The following ETS2 variants were observed in gnomAD, a reference collection of about 807,000 sequenced individuals.
ETS2 encodes the protein ETS proto-oncogene 2, transcription factor, also known as protein C-ets-2.
Under a neutral mutation model 54.9 loss-of-function variants are expected in ETS2, and 19 were observed. The ratio of observed to expected loss-of-function variants is 0.35; its 90% CI spans 0.24 to 0.51. ETS2 has a LOEUF of 0.51. Ranked by LOEUF, ETS2 falls within the 20% of genes least tolerant of loss-of-function variation. ETS2 has a pLI of 0.97. For synonymous variants in ETS2, 219 were observed against 229.3 expected (o/e 0.95, Z 0.41); for missense variants, 417 against 593.0 (o/e 0.70, Z 3.08).
At chr21:38,820,657 A>G (rs898895311) in intron 8 of ETS2, among the ~76,000 whole-genome samples, 2 of 152,224 alleles carry the variant, frequency 1.3e-5, no homozygotes, top group African/African-American at 4.8e-5. Context: ...TGGGGGTGGT[A>G]TGAGGCCATT....
In ETS2 at chr21:38,819,165, G is replaced by A. The variant is rs1238539774; in HGVS notation, c.812-338G>A. On this transcript the variant is annotated intron_variant, in intron 7 of 9. Coordinates refer to ENST00000360938, the MANE Select transcript of ETS2 (RefSeq NM_005239.6). Reference sequence around the variant, plus strand: ...GATTTTCTTGAACTTTACATAGATGGAATCATAAGGCATGTTTTCTTTTGT... The same window carrying A: ...GATTTTCTTGAACTTTACATAGATGAAATCATAAGGCATGTTTTCTTTTGT... 2.0e-5 allele frequency among the ~76,000 whole-genome samples: 3 copies of A among 152,178 alleles called. No individual in the cohort carries two copies. In the East Asian group the frequency reaches 5.8e-4, roughly 29 times the overall value.
intron 1 of ETS2, among the ~76,000 whole-genome samples, chr21:38,809,262 T>C (rs1454931908): frequency 6.6e-6 from 1 of 152,214 alleles, no homozygotes; most frequent in Non-Finnish European, 1.5e-5. Context: ...GAGAGCTCTG[T>C]AGCCACACAT....
rs2060891755 is a variant in ETS2, at chr21:38,806,135, C to G, written c.-1+15C>G. On this transcript the variant is annotated intron_variant, in intron 1 of 9. Coordinates refer to ENST00000360938, the MANE Select transcript of ETS2 (RefSeq NM_005239.6). This position sits in a 1 kb window ranked among gnomAD's most constrained non-coding sequence, Gnocchi z 4.3. The stretch of plus-strand genomic sequence containing the variant: ...GCAGCGGCAGGGTAAGAGCTGGGCC[C>G]GCAGAGAGCGCCCGGCGCGCGGCTC... The G allele has an allele frequency of 9.9e-6, 10 of 1,012,924 alleles. No individual in the cohort carries two copies. The highest frequency in any genetic ancestry group is 1.2e-5 in the Non-Finnish European group (10 of 847,106). 62.7% of individuals were successfully genotyped at this position (1,012,924 alleles called of 1,614,324 possible).
At position 38,821,517 on chromosome 21, in the gene ETS2, A is replaced by G; in HGVS notation, c.1076-69A>G. 2 of 1,095,908 alleles carry G rather than the reference A, an allele frequency of 1.8e-6. No individual in the cohort carries two copies. Among genetic ancestry groups the G allele is most frequent in the Non-Finnish European group, 2.8e-6 (2 of 712,980 alleles). 67.9% of individuals were successfully genotyped at this position (1,095,908 alleles called of 1,614,324 possible). The stretch of plus-strand genomic sequence containing the variant: ...TCCTAAATCAGCATGTACAATTAGG[A>G]TGGTTAAAGACTTGCTGTATTTTAC... On this transcript the variant is annotated intron_variant, in intron 8 of 9. Coordinates refer to ENST00000360938, the MANE Select transcript of ETS2 (RefSeq NM_005239.6). The surrounding 1 kb of genome is among the most constrained non-coding windows in gnomAD (Gnocchi z 4.2).
Position 38,819,563 on chromosome 21 carries a change from C to T in ETS2, c.872C>T (p.Ser291Phe). ...GCGGACAGCTTCGAGAGCTCAGACT[C>T]CCTCCTCCAGTCCTGGAACAGCCAG... The part of the protein sequence containing the change: ...NGADSFESSD[S>F]LLQSWNSQSS... Residue 291 changes from serine (S) to phenylalanine (F), a missense_variant, in exon 8 of 10, where the codon TCC becomes TTC. Physicochemically the swap from Ser to Phe is radical, Grantham distance 155. Transcript: ENST00000360938. 1 of 1,614,180 alleles carries T rather than the reference C, an allele frequency of 6.2e-7. No homozygotes were observed. The highest frequency in any genetic ancestry group is 8.5e-7 in the Non-Finnish European group (1 of 1,180,022).
rs531855808 is a variant in ETS2 at position 38,814,662 on chromosome 21, C to T, written c.305-119C>T. The T allele has an allele frequency of 3.4e-5, 32 of 938,728 alleles. No individual in the cohort carries two copies. The East Asian group carries it at 7.1e-4, about 21-fold the overall frequency. 58.1% of individuals were successfully genotyped at this position (938,728 alleles called of 1,614,324 possible). A position where few individuals can be genotyped will look rare whatever the true frequency, so the allele number is the denominator to read the frequency against. ...GGTGACGTGTCATCATGGTATCTTG[C>T]TCATTCGTGGGTTCTGGTGTATGTC... On this transcript the variant is annotated intron_variant, in intron 4 of 9. Coordinates refer to ENST00000360938, the MANE Select transcript of ETS2 (RefSeq NM_005239.6). This position sits in a 1 kb window ranked among gnomAD's most constrained non-coding sequence, Gnocchi z 4.2.
upstream of ETS2, chr21:38,805,507 G>A (rs569383356): frequency 3.9e-6 from 5 of 1,287,812 alleles, no homozygotes; most frequent in South Asian, 1.2e-5. The surrounding 1 kb of genome is among the most constrained non-coding windows in gnomAD (Gnocchi z 5.2). Context: ...GTCTCCGCCC[G>A]GCTCCCAGGG....
chr21:38,812,327 C>A (rs1393201013), intron 2 of ETS2, among the ~76,000 whole-genome samples: 1 of 152,160 alleles, frequency 6.6e-6, no homozygotes, highest in African/African-American at 2.4e-5. Context: ...CTCAATGTAA[C>A]AGGAGGGTCA....
chr21:38,809,945 C>A, intron 1 of ETS2, 90 bp from the exon 2 acceptor site: 1 of 790,530 alleles, frequency 1.3e-6, no homozygotes, highest in Non-Finnish European at 2.0e-6. Flanking sequence ...AGCTGTAGAA[C>A]TCAGCCAGGA....
upstream of ETS2, chr21:38,805,398 G>C: frequency 7.8e-7 from 1 of 1,288,800 alleles, no homozygotes; most frequent in Non-Finnish European, 1.0e-6. This position sits in a 1 kb window ranked among gnomAD's most constrained non-coding sequence, Gnocchi z 5.2. Flanking sequence ...GCTGCCCTTC[G>C]GTGCCACCAG....
At chr21:38,809,888 A>G (rs2060907216) in intron 1 of ETS2, 147 bp from the exon 2 acceptor site, 1 of 586,154 alleles carries the variant, frequency 1.7e-6, no homozygotes, top group Non-Finnish European at 3.0e-6. Flanking sequence ...TTGGGAGGAC[A>G]GCCATTTAAA....
Position 38,814,295 on chromosome 21 carries a change from T to C in ETS2, c.207T>C (p.Pro69=). 1 of 1,614,084 alleles carries C rather than the reference T, an allele frequency of 6.2e-7. No homozygotes were observed. The highest frequency in any genetic ancestry group is 8.5e-7 in the Non-Finnish European group (1 of 1,180,006). Residue 69 remains proline (P), a synonymous_variant, in exon 4 of 10, where the codon CCT becomes CCC. Transcript: ENST00000360938. The surrounding 1 kb of genome is among the most constrained non-coding windows in gnomAD (Gnocchi z 4.2). ...ISHDSANCEL[P]LLTPCSKAVM... ...CAGACTCCGCCAACTGTGAATTGCC[T>C]TTGTTAACCCCGTGCAGCAAGGCTG...
At chr21:38,811,749 T>G (rs2060914738) in intron 2 of ETS2, among the ~76,000 whole-genome samples, 1 of 152,272 alleles carries the variant, frequency 6.6e-6, no homozygotes, top group Admixed American at 6.5e-5. Flanking sequence ...GTGTGTCTCT[T>G]CTTTTCTGCA....
upstream of ETS2, chr21:38,805,871 T>TC (rs1351699103): frequency 8.6e-7 from 1 of 1,167,978 alleles, no homozygotes; most frequent in African/African-American, 1.8e-5. The surrounding 1 kb of genome is among the most constrained non-coding windows in gnomAD (Gnocchi z 5.2). Flanking sequence ...CCCTCCTTCC[T>TC]CCTCCCTCCT....
upstream of ETS2, chr21:38,805,705 C>G: frequency 9.1e-7 from 1 of 1,100,564 alleles, no homozygotes; most frequent in Non-Finnish European, 1.2e-6. This position sits in a 1 kb window ranked among gnomAD's most constrained non-coding sequence, Gnocchi z 5.2. Context: ...CTCTCCTCTC[C>G]CTCCGCTCCC....
At chr21:38,805,641 G>T, upstream of ETS2, 4 of 1,208,858 alleles carry the variant, frequency 3.3e-6, no homozygotes, top group Non-Finnish European at 4.2e-6. The surrounding 1 kb of genome is among the most constrained non-coding windows in gnomAD (Gnocchi z 5.2). Flanking sequence ...TGTCAGCCCC[G>T]CCCCGCGCTC....
chr21:38,815,517 C>T (rs919968411), intron 5 of ETS2, among the ~76,000 whole-genome samples: 1 of 152,048 alleles, frequency 6.6e-6, no homozygotes, highest in Non-Finnish European at 1.5e-5. Flanking sequence ...TATATTTACA[C>T]GCTATCATAT....
intron 7 of ETS2, among the ~76,000 whole-genome samples, 178 bp from the exon 8 acceptor site, chr21:38,819,325 G>C (rs1009701482): frequency 3.3e-5 from 5 of 152,174 alleles, no homozygotes; most frequent in Non-Finnish European, 5.9e-5. Context: ...GATAGGATTT[G>C]TGTAGTATAG....
At chr21:38,805,859 G>T, upstream of ETS2, 1 of 1,136,146 alleles carries the variant, frequency 8.8e-7, no homozygotes. This position sits in a 1 kb window ranked among gnomAD's most constrained non-coding sequence, Gnocchi z 5.2. Context: ...CCACTCGGCC[G>T]TCCCTCCTTC....
Sources: gnomAD v4.1 joint callset for allele counts (sites outside exome capture counted in the v4.1 genomes callset) on GRCh38, gnomAD v4.1.1 for gene constraint, Gnocchi (gnomAD v3.1) non-coding constraint, MANE v1.5 for transcripts, NCBI Gene and HGNC (gene_info 2026-07-23, HGNC 2026-07-21) for gene names.